Variants in MCM5 observed in about 807,000 individuals in gnomAD.
MCM5 encodes DNA replication licensing factor MCM5.
In MCM5, 46 loss-of-function variants were observed where a neutral mutation model predicts 79.9. That is an observed-to-expected ratio of 0.58 (90% CI 0.45 to 0.74). The LOEUF (loss-of-function observed/expected upper bound fraction) is 0.74, where lower values mean the gene tolerates loss of function less well. MCM5 is among the 30% of genes least tolerant of loss of function. The pLI is 0.00. For missense variants in MCM5, 883 were observed against 1,017.0 expected (o/e 0.87, Z 1.79); for synonymous variants, 404 against 390.5 (o/e 1.03, Z -0.41).
At chr22:35,430,649 C>T in the MCM5 span, among the ~76,000 whole-genome samples, 4 of 152,006 alleles carry the variant, frequency 2.6e-5, no homozygotes, top group Non-Finnish European at 4.4e-5. Flanking sequence ...ACTACAGGCG[C>T]GTGCCACCAT....
chr22:35,403,067 ATG>A (rs1468220668), intron 2 of MCM5, 138 bp from the exon 3 acceptor site: 1 of 977,774 alleles, frequency 1.0e-6, no homozygotes, highest in Non-Finnish European at 1.5e-6. Context: ...CTGGAATTAG[ATG>A]TGTGTTTGGG....
intron 2 of MCM5, 133 bp from the exon 3 acceptor site, chr22:35,403,074 T>A (rs1569063163): frequency 7.5e-6 from 8 of 1,065,826 alleles, no homozygotes; most frequent in Admixed American, 6.9e-5. Flanking sequence ...TAGATGTGTG[T>A]TTGGGAAGAG....
intron 13 of MCM5, 140 bp downstream of exon 13, chr22:35,417,996 C>G (rs1932591996): frequency 6.4e-6 from 4 of 626,518 alleles, no homozygotes; most frequent in African/African-American, 1.8e-5. Context: ...TCTACTGAAT[C>G]TGCTCTGCTC....
At chr22:35,446,259 G>C in the MCM5 span, among the ~76,000 whole-genome samples, 1 of 152,166 alleles carries the variant, frequency 6.6e-6, no homozygotes. Flanking sequence ...GGTATGTCAG[G>C]GTGTTGCGGG....
the MCM5 span, among the ~76,000 whole-genome samples, chr22:35,449,459 C>T: frequency 1.3e-5 from 2 of 152,038 alleles, no homozygotes; most frequent in Non-Finnish European, 2.9e-5. Context: ...GCCATGGCCT[C>T]TTTTTCCCAG....
intron 13 of MCM5, 21 bp downstream of exon 13, chr22:35,417,877 C>G: frequency 1.3e-6 from 2 of 1,586,170 alleles, no homozygotes; most frequent in Non-Finnish European, 1.7e-6. Context: ...GACGCAGGCC[C>G]ACGGGGGTGA....
intron 4 of MCM5, among the ~76,000 whole-genome samples, chr22:35,406,293 G>GCCCCCCC (rs751051553): frequency 7.8e-5 from 7 of 89,812 alleles, no homozygotes; most frequent in Non-Finnish European, 1.3e-4. Flanking sequence ...CTCTTGCCCT[G>GCCCCCCC]CCACCTCCCC....
chr22:35,418,481 G>A (rs991634456), intron 13 of MCM5, among the ~76,000 whole-genome samples: 1 of 152,034 alleles, frequency 6.6e-6, no homozygotes, highest in African/African-American at 2.4e-5. Context: ...CCAACGTGGC[G>A]AAACCCCATG....
chr22:35,416,576 C>T (rs905707805), intron 11 of MCM5, 62 bp from the exon 12 acceptor site: 43 of 732,136 alleles, frequency 5.9e-5, no homozygotes, highest in Non-Finnish European at 9.2e-5. Flanking sequence ...TGTGTGTAAA[C>T]GTGTATATAA....
At chr22:35,416,200 G>C in intron 10 of MCM5, 139 bp from the exon 11 acceptor site, 1 of 950,476 alleles carries the variant, frequency 1.1e-6, no homozygotes, top group Non-Finnish European at 1.7e-6. Context: ...CCCATGATTA[G>C]AGGTGACCTG....
At chr22:35,400,754 C>T (rs1932021118) in intron 2 of MCM5, 149 bp downstream of exon 2, 1 of 747,754 alleles carries the variant, frequency 1.3e-6, no homozygotes, top group African/African-American at 1.8e-5. Flanking sequence ...ATCCCGGCAG[C>T]CTCACGCCTT....
the MCM5 span, among the ~76,000 whole-genome samples, chr22:35,443,688 T>C: frequency 6.6e-6 from 1 of 152,192 alleles, no homozygotes; most frequent in Non-Finnish European, 1.5e-5. Flanking sequence ...TAACAGTTCC[T>C]CCACTTCCAG....
chr22:35,418,898 G>A (rs1323922622), intron 13 of MCM5, among the ~76,000 whole-genome samples: 3 of 152,220 alleles, frequency 2.0e-5, no homozygotes, highest in African/African-American at 7.2e-5. Context: ...CATGCCAGAG[G>A]TAGTGGAGCC....
At chr22:35,406,457 A>G in intron 4 of MCM5, 96 bp from the exon 5 acceptor site, 1 of 1,189,168 alleles carries the variant, frequency 8.4e-7, no homozygotes, top group Non-Finnish European at 1.2e-6. Context: ...CTCTGTGCCC[A>G]CCTCCTCCAG....
the MCM5 span, among the ~76,000 whole-genome samples, chr22:35,432,344 T>C: frequency 6.6e-6 from 1 of 152,096 alleles, no homozygotes; most frequent in Non-Finnish European, 1.5e-5. Flanking sequence ...GGGGTGGCCT[T>C]GTGCTTTGAG....
intron 7 of MCM5, 106 bp from the exon 8 acceptor site, chr22:35,412,404 C>T (rs1569066854): frequency 1.1e-6 from 1 of 920,536 alleles, no homozygotes; most frequent in Non-Finnish European, 1.5e-6. Context: ...GCCCTAAGGG[C>T]CCTAAGGGCT....
At chr22:35,431,088 C>T in the MCM5 span, among the ~76,000 whole-genome samples, 1 of 152,202 alleles carries the variant, frequency 6.6e-6, no homozygotes, top group Admixed American at 6.5e-5. Flanking sequence ...AGGGACTTCC[C>T]GGCCTCCTAC....
At chr22:35,446,028 G>A in the MCM5 span, among the ~76,000 whole-genome samples, 26,736 of 152,106 alleles carry the variant, frequency 0.18, 3,741 homozygotes, top group African/African-American at 0.39. Context: ...ACACATAGTG[G>A]GCATTTGCGC....
At chr22:35,421,010 C>G (rs1932678089) in intron 14 of MCM5, among the ~76,000 whole-genome samples, 1 of 151,842 alleles carries the variant, frequency 6.6e-6, no homozygotes, top group Admixed American at 6.6e-5. Flanking sequence ...TGCCTGTAGA[C>G]CCAGCTCCTC....
Sources: allele counts gnomAD v4.1 joint callset (sites outside exome capture counted in the v4.1 genomes callset), GRCh38; gene constraint gnomAD v4.1.1; transcripts MANE v1.5; gene names NCBI Gene and HGNC (gene_info 2026-07-23, HGNC 2026-07-21).